The following RNF144A variants were observed in gnomAD, a reference collection of about 807,000 sequenced individuals.
RNF144A encodes the protein E3 ubiquitin-protein ligase RNF144A.
In RNF144A, 11 loss-of-function variants were observed where a neutral mutation model predicts 38.7. The ratio of observed to expected loss-of-function variants is 0.28; its 90% CI spans 0.18 to 0.47. The LOEUF is 0.47. Among genes scored for constraint, RNF144A ranks in the 20% least tolerant of loss-of-function variants. RNF144A has a pLI of 0.99. For synonymous variants in RNF144A, 149 were observed against 143.9 expected (o/e 1.04, Z -0.25); for missense variants, 316 against 377.2 (o/e 0.84, Z 1.34).
At position 7,042,344 on chromosome 2, in the gene RNF144A, C is replaced by T. The variant is rs974815215; in HGVS notation, c.*2584C>T. 5.5e-5 allele frequency: 54 copies of T among 985,268 alleles called. No homozygotes were observed. Among genetic ancestry groups the T allele is most frequent in the Non-Finnish European group, 6.1e-5 (51 of 829,934 alleles). The allele number at this position is 985,268 out of a possible 1,614,324, so 61.0% of individuals were successfully genotyped here. A position where few individuals can be genotyped will look rare whatever the true frequency, so the allele number is the denominator to read the frequency against. On this transcript the variant is annotated 3_prime_UTR_variant, in exon 9 of 9. Coordinates refer to ENST00000320892, the MANE Select transcript of RNF144A (RefSeq NM_014746.6). The stretch of plus-strand genomic sequence containing the variant: ...CCTGGGGAGTTCTGCGTTGAGTGGA[C>T]GGACTTATTCCTGTGAAGCGGCATA...
rs145659321 is a variant in RNF144A, at chr2:7,005,022, G to T, written c.135+7961G>T. ...TCTTATTTTTACAATTATAACTGCT[G>T]CTGCTATGGTTTTATCTCTGCATTT... On this transcript the variant is annotated intron_variant, in intron 3 of 8. Coordinates refer to ENST00000320892, the MANE Select transcript of RNF144A (RefSeq NM_014746.6). Among the ~76,000 whole-genome samples the T allele has an allele frequency of 3.3e-3, 500 of 152,296 alleles. 1 individual carries two copies. Among genetic ancestry groups the T allele is most frequent in the Non-Finnish European group, 3.6e-3 (244 of 68,032 alleles).
At chr2:6,954,739 A>G (rs1666893775) in intron 2 of RNF144A, among the ~76,000 whole-genome samples, 1 of 152,222 alleles carries the variant, frequency 6.6e-6, no homozygotes, top group Non-Finnish European at 1.5e-5. Flanking sequence ...AAAGTATTTT[A>G]TGATTCATGT....
chr2:6,930,045 CT>C (rs1264907699), intron 1 of RNF144A, among the ~76,000 whole-genome samples: 1 of 152,224 alleles, frequency 6.6e-6, no homozygotes, highest in East Asian at 1.9e-4. Context: ...GGCATGATTA[CT>C]TTGCACAGTT....
intron 1 of RNF144A, among the ~76,000 whole-genome samples, chr2:6,939,230 A>C (rs751025786): frequency 6.6e-6 from 1 of 152,222 alleles, no homozygotes; most frequent in African/African-American, 2.4e-5. Flanking sequence ...ATTTCTCCAC[A>C]TTCTTGTCTA....
At chr2:6,952,029 G>T (rs1483710122) in intron 2 of RNF144A, among the ~76,000 whole-genome samples, 1 of 152,018 alleles carries the variant, frequency 6.6e-6, no homozygotes, top group Admixed American at 6.6e-5. Context: ...TACGTTTGCC[G>T]CCATATTTTT....
chr2:6,967,923 T>G (rs1667774487), intron 2 of RNF144A, among the ~76,000 whole-genome samples: 1 of 152,244 alleles, frequency 6.6e-6, no homozygotes. Flanking sequence ...CTACTTGACT[T>G]TGGAACTCCT....
intron 1 of RNF144A, among the ~76,000 whole-genome samples, chr2:6,937,783 G>A (rs1450241317): frequency 6.6e-6 from 1 of 152,192 alleles, no homozygotes; most frequent in African/African-American, 2.4e-5. Context: ...TCGGCTGGCG[G>A]AGACATTGGC....
rs376788220 is a variant in RNF144A, at chr2:6,940,512, CT to C, written c.-211-428del. The stretch of plus-strand genomic sequence containing the variant: ...GTGTTCTTCTGTTCTTCCGTTTTGC[CT>C]TTTTTTTCATTAGTTTATTTTTATC... On this transcript the variant is annotated intron_variant, in intron 1 of 8. Transcript: ENST00000320892. 1.2e-3 allele frequency among the ~76,000 whole-genome samples: 175 copies of C among 151,554 alleles called. 1 individual carries two copies. In the East Asian group the frequency reaches 0.014, roughly 12 times the overall value.
intron 1 of RNF144A, among the ~76,000 whole-genome samples, chr2:6,932,190 C>T (rs1364511764): frequency 6.6e-6 from 1 of 152,024 alleles, no homozygotes; most frequent in African/African-American, 2.4e-5. Context: ...TGATTTTTTT[C>T]TTGCTTTGAA....
intron 2 of RNF144A, among the ~76,000 whole-genome samples, chr2:6,980,189 T>C (rs1377784275): frequency 6.6e-6 from 1 of 152,334 alleles, no homozygotes; most frequent in Non-Finnish European, 1.5e-5. Context: ...CTAACCCATG[T>C]AATTCCACCC....
chr2:7,041,252 T>C lies in RNF144A; in HGVS notation c.*1492T>C. 4 of 985,712 alleles carry C rather than the reference T, an allele frequency of 4.1e-6. No homozygotes were observed. The highest frequency in any genetic ancestry group is 4.8e-6 in the Non-Finnish European group (4 of 829,930). 61.1% of individuals were successfully genotyped at this position (985,712 alleles called of 1,614,324 possible). ...CAAGCACATTTTTAAAATGTTGCTTTGTGTGTGTTTGACTTCTGCATTTGA... is the reference window on the plus strand; with the variant it reads ...CAAGCACATTTTTAAAATGTTGCTTCGTGTGTGTTTGACTTCTGCATTTGA... On this transcript the variant is annotated 3_prime_UTR_variant, in exon 9 of 9. Transcript: ENST00000320892.
At position 7,043,652 on chromosome 2, in the gene RNF144A, C is replaced by CTGCGTTAAAACCTAAT; in HGVS notation, c.*3896_*3911dup. On this transcript the variant is annotated 3_prime_UTR_variant, in exon 9 of 9. Transcript: ENST00000320892. Reference sequence around the variant, plus strand: ...AAAACACCAAAAGGAACAAAGGGGCCTGCGTTAAAACCTAATTGCTAATGC... The same window carrying CTGCGTTAAAACCTAAT: ...AAAACACCAAAAGGAACAAAGGGGCCTGCGTTAAAACCTAATTGCGTTAAAACCTAATTGCTAATGC... 1.0e-6 allele frequency: 1 copy of CTGCGTTAAAACCTAAT among 985,804 alleles called. No homozygotes were observed. The highest frequency in any genetic ancestry group is 1.2e-6 in the Non-Finnish European group (1 of 829,918). The allele number at this position is 985,804 out of a possible 1,614,324, so 61.1% of individuals were successfully genotyped here.
chr2:7,040,690 T>A lies in RNF144A; in HGVS notation c.*930T>A. The stretch of plus-strand genomic sequence containing the variant: ...CTGGCCTCTGGCCTCAGTCTTCAGA[T>A]AGACAGTAAGAAGAAAGCAGCCTCA... On this transcript the variant is annotated 3_prime_UTR_variant, in exon 9 of 9. Coordinates refer to ENST00000320892, the MANE Select transcript of RNF144A (RefSeq NM_014746.6). 1 of 985,486 alleles carries A rather than the reference T, an allele frequency of 1.0e-6. No individual in the cohort carries two copies. Among genetic ancestry groups the A allele is most frequent in the Non-Finnish European group, 1.2e-6 (1 of 829,942 alleles). 61.0% of individuals were successfully genotyped at this position (985,486 alleles called of 1,614,324 possible).
intron 6 of RNF144A, among the ~76,000 whole-genome samples, chr2:7,055,748 C>T (rs929469766): frequency 1.3e-5 from 2 of 152,190 alleles, no homozygotes; most frequent in Non-Finnish European, 2.9e-5. Context: ...TAAGTTGATT[C>T]TCAGGAATTA....
At chr2:6,936,658 A>T (rs1452683229) in intron 1 of RNF144A, among the ~76,000 whole-genome samples, 1 of 152,202 alleles carries the variant, frequency 6.6e-6, no homozygotes, top group Non-Finnish European at 1.5e-5. Context: ...TTTTTGCATC[A>T]GGTTGACTTT....
intron 2 of RNF144A, among the ~76,000 whole-genome samples, chr2:6,975,368 G>A (rs1156957270): frequency 1.3e-5 from 2 of 152,178 alleles, no homozygotes; most frequent in Non-Finnish European, 2.9e-5. Flanking sequence ...GCTACAAGAT[G>A]AGATTTGGGT....
At chr2:7,013,778 A>G (rs1460494388) in intron 3 of RNF144A, among the ~76,000 whole-genome samples, 1 of 152,132 alleles carries the variant, frequency 6.6e-6, no homozygotes, top group Non-Finnish European at 1.5e-5. Context: ...CATGTCCTTC[A>G]CTTCTTCTTG....
At chr2:6,976,752 A>G (rs1558399183) in intron 2 of RNF144A, among the ~76,000 whole-genome samples, 1 of 151,790 alleles carries the variant, frequency 6.6e-6, no homozygotes, top group Non-Finnish European at 1.5e-5. Context: ...GTGAGTATGT[A>G]CTACCCTTTC....
intron 6 of RNF144A, among the ~76,000 whole-genome samples, chr2:7,052,444 G>A (rs1472442553): frequency 1.3e-5 from 2 of 152,216 alleles, no homozygotes; most frequent in Non-Finnish European, 2.9e-5. Flanking sequence ...GACCCATGAA[G>A]CCAGAATATG....
Sources: allele counts gnomAD v4.1 joint callset (sites outside exome capture counted in the v4.1 genomes callset), GRCh38; gene constraint gnomAD v4.1.1; transcripts MANE v1.5; gene names NCBI Gene and HGNC (gene_info 2026-07-23, HGNC 2026-07-21).